The following CNTN5 variants were observed in gnomAD, a reference collection of about 807,000 sequenced individuals.
The protein encoded by CNTN5 is contactin-5.
CNTN5 carries 77 observed loss-of-function variants against 129.1 expected under a neutral mutation model. The observed-to-expected ratio is 0.60, with a 90% CI of 0.50 to 0.72. CNTN5 has a LOEUF of 0.72. CNTN5 is among the 30% of genes least tolerant of loss of function. The pLI is 0.00. For missense variants in CNTN5, 1,478 were observed against 1,328.8 expected (o/e 1.11, Z -1.75); for synonymous variants, 509 against 465.6 (o/e 1.09, Z -1.20).
intron 1 of CNTN5, among the ~76,000 whole-genome samples, chr11:99,230,961 A>G (rs1591389321): frequency 1.3e-5 from 2 of 152,142 alleles, no homozygotes; most frequent in Non-Finnish European, 2.9e-5. Flanking sequence ...AGCTCCATCC[A>G]TGTCACTACA....
intron 2 of CNTN5, among the ~76,000 whole-genome samples, chr11:99,402,580 C>A (rs1161630884): frequency 6.6e-6 from 1 of 152,110 alleles, no homozygotes; most frequent in Non-Finnish European, 1.5e-5. Context: ...CAGGATAATA[C>A]TGACATCGTA....
At chr11:99,583,689 G>A (rs182259344) in intron 3 of CNTN5, among the ~76,000 whole-genome samples, 1 of 152,198 alleles carries the variant, frequency 6.6e-6, no homozygotes, top group African/African-American at 2.4e-5. Context: ...CAGTATTAGG[G>A]TGGGAGTGAC....
rs202100290 is a variant in CNTN5 at position 100,271,083 on chromosome 11, T to C, written c.2165-9T>C. ...TCATAATGACATGAAATTTCCTTCC[T>C]TTCTATAGTCCCAGAAATCATAACA... On this transcript the variant is annotated splice_polypyrimidine_tract_variant and intron_variant, in intron 17 of 24. Coordinates refer to ENST00000524871, the MANE Select transcript of CNTN5 (RefSeq NM_014361.4). 112 of 1,587,732 alleles carry C rather than the reference T, an allele frequency of 7.1e-5. No homozygotes were observed. The highest frequency in any genetic ancestry group is 8.6e-5 in the Non-Finnish European group (101 of 1,170,728).
chr11:99,101,084 C>T (rs1866710490), intron 1 of CNTN5, among the ~76,000 whole-genome samples: 2 of 152,114 alleles, frequency 1.3e-5, no homozygotes, highest in Admixed American at 1.3e-4. Flanking sequence ...GCGAAAGGCA[C>T]ATGTTACATG....
At position 100,341,086 on chromosome 11, in the gene CNTN5, T is replaced by G. The variant is rs1469075864; in HGVS notation, c.2918-7T>G. On this transcript the variant is annotated splice_region_variant and splice_polypyrimidine_tract_variant and intron_variant, in intron 22 of 24. Coordinates refer to ENST00000524871, the MANE Select transcript of CNTN5 (RefSeq NM_014361.4). ...TTGTCAGTTCACTTTCACTTTTTAT[T>G]TTGCAGCTCCTAGTCAAGCACCTAG... The G allele has an allele frequency of 1.1e-5, 18 of 1,592,826 alleles. No homozygotes were observed. Among genetic ancestry groups the G allele is most frequent in the Non-Finnish European group, 1.5e-5 (17 of 1,161,612 alleles).
intron 6 of CNTN5, among the ~76,000 whole-genome samples, chr11:99,861,271 G>A (rs1276801000): frequency 6.6e-6 from 1 of 152,068 alleles, no homozygotes; most frequent in East Asian, 1.9e-4. Flanking sequence ...ATTTGTTTAT[G>A]TCATCTGGAG....
intron 1 of CNTN5, among the ~76,000 whole-genome samples, chr11:99,155,185 C>T (rs1006610014): frequency 2.0e-5 from 3 of 152,104 alleles, no homozygotes; most frequent in East Asian, 1.9e-4. Context: ...GTGCAGGATA[C>T]CCAGCTATTT....
intron 18 of CNTN5, among the ~76,000 whole-genome samples, chr11:100,290,996 C>T (rs1322356376): frequency 2.7e-5 from 4 of 150,880 alleles, no homozygotes; most frequent in African/African-American, 7.3e-5. Flanking sequence ...AGCCAAAAAA[C>T]ACATGAAAAA....
intron 2 of CNTN5, among the ~76,000 whole-genome samples, chr11:99,527,876 A>T (rs1319268544): frequency 6.6e-6 from 1 of 152,188 alleles, no homozygotes; most frequent in Middle Eastern, 3.2e-3. Flanking sequence ...GATCAAGCAG[A>T]TGCTGCATAG....
intron 2 of CNTN5, among the ~76,000 whole-genome samples, chr11:99,401,235 C>G (rs910961250): frequency 6.6e-6 from 1 of 152,078 alleles, no homozygotes; most frequent in Non-Finnish European, 1.5e-5. Context: ...AGTCTTTGAT[C>G]CATTTTGATT....
At chr11:99,834,436 A>C (rs1947239520) in intron 4 of CNTN5, among the ~76,000 whole-genome samples, 1 of 152,118 alleles carries the variant, frequency 6.6e-6, no homozygotes. Flanking sequence ...TAAGGTAGAA[A>C]GATTGGTTTA....
intron 2 of CNTN5, among the ~76,000 whole-genome samples, chr11:99,381,669 A>G (rs1565536492): frequency 1.3e-5 from 2 of 152,188 alleles, no homozygotes; most frequent in Non-Finnish European, 2.9e-5. Flanking sequence ...TGTCCCTATT[A>G]TCAGCAGAAA....
Position 99,194,342 on chromosome 11 carries a change from A to G in CNTN5, c.-209-131004A>G, listed in dbSNP as rs188854920. Among the ~76,000 whole-genome samples, 3 of 152,260 alleles carry G rather than the reference A, an allele frequency of 2.0e-5. No individual in the cohort carries two copies. In the East Asian group the frequency reaches 5.8e-4, roughly 29 times the overall value. On this transcript the variant is annotated intron_variant, in intron 1 of 24. Coordinates refer to ENST00000524871, the MANE Select transcript of CNTN5 (RefSeq NM_014361.4). ...GACATTAGACCACAAAGATGAGATA[A>G]AAACCTTAAAACTGTGAGAATGAAA... is the stretch of plus-strand genomic sequence containing the variant.
intron 7 of CNTN5, among the ~76,000 whole-genome samples, chr11:99,936,384 T>C (rs1950316283): frequency 6.6e-6 from 1 of 152,164 alleles, no homozygotes; most frequent in South Asian, 2.1e-4. Flanking sequence ...CAGACTATAA[T>C]AGGAACTGGG....
chr11:99,781,487 C>T (rs1039184303), intron 3 of CNTN5, among the ~76,000 whole-genome samples: 2 of 152,020 alleles, frequency 1.3e-5, no homozygotes, highest in African/African-American at 4.8e-5. Flanking sequence ...TCATGAATGT[C>T]TTCTTAACCC....
chr11:99,104,536 A>G (rs1406343625), intron 1 of CNTN5, among the ~76,000 whole-genome samples: 2 of 152,086 alleles, frequency 1.3e-5, no homozygotes, highest in African/African-American at 2.4e-5. Flanking sequence ...CTGATTTTAC[A>G]TGTTCTCACT....
intron 1 of CNTN5, among the ~76,000 whole-genome samples, chr11:99,307,297 T>C (rs955647590): frequency 1.3e-5 from 2 of 152,200 alleles, no homozygotes; most frequent in African/African-American, 4.8e-5. Flanking sequence ...TATTTTTTTT[T>C]CTTTTCATGG....
chr11:99,433,764 A>G (rs931208785), intron 2 of CNTN5, among the ~76,000 whole-genome samples: 3 of 152,166 alleles, frequency 2.0e-5, no homozygotes, highest in African/African-American at 7.2e-5. Context: ...AGGATAGTTG[A>G]TGAAGCTAAA....
chr11:99,154,751 A>G (rs189328908), intron 1 of CNTN5, among the ~76,000 whole-genome samples: 9 of 152,296 alleles, frequency 5.9e-5, no homozygotes, highest in Admixed American at 3.9e-4. Context: ...ATCTGAGGCT[A>G]CAAGTGGGCA....
Sources: allele counts gnomAD v4.1 joint callset (sites outside exome capture counted in the v4.1 genomes callset), GRCh38; gene constraint gnomAD v4.1.1; transcripts MANE v1.5; gene names NCBI Gene and HGNC (gene_info 2026-07-23, HGNC 2026-07-21).